DIS3L2: variants seen among roughly 807,000 people sequenced by gnomAD.
DIS3L2 encodes the protein DIS3-like exonuclease 2.
A neutral mutation model predicts 97.5 loss-of-function variants in DIS3L2; 34 were observed. The ratio of observed to expected loss-of-function variants is 0.35; its 90% CI spans 0.27 to 0.46. The LOEUF (loss-of-function observed/expected upper bound fraction) is 0.46, where lower values mean the gene tolerates loss of function less well. DIS3L2 is among the 20% of genes least tolerant of loss of function. The probability of loss-of-function intolerance (pLI) is 1.00; values close to 1 mark genes in which losing one functional copy is unlikely to be tolerated. For synonymous variants in DIS3L2, 435 were observed against 445.2 expected (o/e 0.98, Z 0.29); for missense variants, 1,038 against 1,146.0 (o/e 0.91, Z 1.36).
chr2:232,298,243 T>C (rs1340779799), intron 13 of DIS3L2, among the ~76,000 whole-genome samples: 2 of 152,214 alleles, frequency 1.3e-5, no homozygotes, highest in Non-Finnish European at 2.9e-5. Flanking sequence ...GGAACAGTTT[T>C]GCAAATAAAA....
At chr2:231,964,792 G>A (rs72985631) in intron 1 of DIS3L2, among the ~76,000 whole-genome samples, 2,505 of 152,292 alleles carry the variant, frequency 0.016, 28 homozygotes, top group Non-Finnish European at 0.025. Context: ...GGAAAGCAAT[G>A]AAATGGACAT....
intron 8 of DIS3L2, among the ~76,000 whole-genome samples, chr2:232,146,058 C>T (rs1021266922): frequency 4.6e-4 from 70 of 152,098 alleles, no homozygotes; most frequent in African/African-American, 1.6e-3. Flanking sequence ...CCTGGCCTTG[C>T]TGCTATATTC....
Position 232,095,851 on chromosome 2 carries a change from GT to G in DIS3L2, c.601+8140del, listed in dbSNP as rs537066441. Among the ~76,000 whole-genome samples, 39 of 149,668 alleles carry G rather than the reference GT, an allele frequency of 2.6e-4. No individual in the cohort carries two copies. The East Asian group carries it at 7.0e-3, about 27-fold the overall frequency. On this transcript the variant is annotated intron_variant, in intron 6 of 20. Coordinates refer to ENST00000325385, the MANE Select transcript of DIS3L2 (RefSeq NM_152383.5). ...CTGGATATACTATTCCATGGTAAAA[GT>G]TTTTTTTTTCTTTAGCACTTTAAAC...
chr2:232,242,782 C>G (rs1225528439), intron 11 of DIS3L2, among the ~76,000 whole-genome samples: 1 of 152,218 alleles, frequency 6.6e-6, no homozygotes, highest in Non-Finnish European at 1.5e-5. Context: ...TCCCTTTTCT[C>G]CACGGCCAGC....
intron 15 of DIS3L2, 36 bp from the exon 16 acceptor site, chr2:232,330,654 C>T: frequency 1.2e-6 from 2 of 1,609,582 alleles, no homozygotes; most frequent in Non-Finnish European, 1.7e-6. Context: ...CCGAGCTGGA[C>T]CACACGTCAC....
chr2:232,041,771 A>G (rs1027187227), intron 5 of DIS3L2, among the ~76,000 whole-genome samples: 3 of 152,204 alleles, frequency 2.0e-5, no homozygotes, highest in African/African-American at 4.8e-5. Flanking sequence ...TGAAACTTTT[A>G]CTCATTGAAA....
At chr2:232,159,698 C>T (rs59526832) in intron 8 of DIS3L2, among the ~76,000 whole-genome samples, 12,359 of 152,158 alleles carry the variant, frequency 0.081, 1,319 homozygotes, top group East Asian at 0.51. Flanking sequence ...TGTCTTCTTT[C>T]TGCTCCAAGG....
At chr2:232,271,990 T>A (rs1440379838) in intron 13 of DIS3L2, among the ~76,000 whole-genome samples, 1 of 152,202 alleles carries the variant, frequency 6.6e-6, no homozygotes, top group East Asian at 1.9e-4. Flanking sequence ...TTACAGCCAC[T>A]TATGTGTGGT....
chr2:232,228,262 G>A (rs1315945596), intron 10 of DIS3L2, among the ~76,000 whole-genome samples: 3 of 152,196 alleles, frequency 2.0e-5, no homozygotes, highest in Non-Finnish European at 2.9e-5. Flanking sequence ...CACCACACCC[G>A]GCTGGGACTT....
intron 16 of DIS3L2, 84 bp from the exon 17 acceptor site, chr2:232,333,756 G>GAAGC: frequency 6.7e-7 from 1 of 1,487,198 alleles, no homozygotes. Flanking sequence ...CGCTGCCGAC[G>GAAGC]GTGAGGCTGT....
intron 1 of DIS3L2, among the ~76,000 whole-genome samples, chr2:232,003,108 A>C (rs1289826026): frequency 6.6e-6 from 1 of 152,186 alleles, no homozygotes; most frequent in Non-Finnish European, 1.5e-5. Flanking sequence ...ACGCTAAATT[A>C]TTTGGTGGCA....
intron 1 of DIS3L2, among the ~76,000 whole-genome samples, chr2:231,990,178 AT>A (rs35062172): frequency 0.14 from 20,335 of 146,172 alleles, 1,817 homozygotes; most frequent in South Asian, 0.35. Context: ...TTAGGTTTTG[AT>A]TTTTTTTTTT....
chr2:232,077,961 C>T (rs1361149945), intron 5 of DIS3L2, among the ~76,000 whole-genome samples: 2 of 73,880 alleles, frequency 2.7e-5, no homozygotes, highest in Non-Finnish European at 5.4e-5. Context: ...CTTTCTCTTT[C>T]TTTCTTTCTT....
At chr2:231,975,205 A>G (rs1693047971) in intron 1 of DIS3L2, among the ~76,000 whole-genome samples, 1 of 152,210 alleles carries the variant, frequency 6.6e-6, no homozygotes, top group South Asian at 2.1e-4. Flanking sequence ...AAAAGAATGT[A>G]GGAAACCTCT....
intron 12 of DIS3L2, among the ~76,000 whole-genome samples, chr2:232,256,985 G>A (rs888981994): frequency 6.6e-5 from 10 of 152,032 alleles, no homozygotes; most frequent in Non-Finnish European, 1.2e-4. Context: ...AGGCATGGTG[G>A]TGGGCACCTG....
At chr2:232,015,762 C>CAGAA in intron 3 of DIS3L2, 91 bp downstream of exon 3, 2 of 1,452,268 alleles carry the variant, frequency 1.4e-6, no homozygotes, top group Non-Finnish European at 1.9e-6. Context: ...TATATGCTTT[C>CAGAA]AGAGAGACGA....
intron 1 of DIS3L2, among the ~76,000 whole-genome samples, chr2:231,970,580 A>G (rs537433169): frequency 4.6e-5 from 7 of 152,350 alleles, no homozygotes; most frequent in Admixed American, 4.6e-4. Flanking sequence ...AGATAAAAAA[A>G]TGGTACACCT....
chr2:232,207,394 A>C (rs1175959384), intron 9 of DIS3L2, among the ~76,000 whole-genome samples: 1 of 152,170 alleles, frequency 6.6e-6, no homozygotes, highest in Non-Finnish European at 1.5e-5. Flanking sequence ...CAATCTGTTC[A>C]TTCAACAAAC....
intron 1 of DIS3L2, among the ~76,000 whole-genome samples, chr2:231,990,977 T>C (rs1239379345): frequency 6.6e-6 from 1 of 152,114 alleles, no homozygotes; most frequent in Non-Finnish European, 1.5e-5. Flanking sequence ...GTTTTCTTTT[T>C]TTTTTTTGAG....
Sources: allele counts gnomAD v4.1 joint callset (sites outside exome capture counted in the v4.1 genomes callset), GRCh38; gene constraint gnomAD v4.1.1; transcripts MANE v1.5; gene names NCBI Gene and HGNC (gene_info 2026-07-23, HGNC 2026-07-21).